PHLDB1: variants seen among roughly 807,000 people sequenced by gnomAD.
The protein encoded by PHLDB1 is pleckstrin homology-like domain family B member 1.
Under a neutral mutation model 139.3 loss-of-function variants are expected in PHLDB1, and 65 were observed. The observed-to-expected ratio is 0.47, with a 90% CI of 0.38 to 0.57. The LOEUF is 0.57. Ranked by LOEUF, PHLDB1 falls within the 20% of genes least tolerant of loss-of-function variation. The pLI, the probability that PHLDB1 is intolerant of heterozygous loss-of-function variation, is 0.00. For missense variants in PHLDB1, 1,624 were observed against 1,839.7 expected (o/e 0.88, Z 2.14); for synonymous variants, 679 against 734.5 (o/e 0.92, Z 1.22).
intron 18 of PHLDB1, 148 bp from the exon 19 acceptor site, chr11:118,649,929 C>G: frequency 1.5e-6 from 1 of 681,658 alleles, no homozygotes; most frequent in Non-Finnish European, 2.7e-6. Flanking sequence ...CCACTTTTGC[C>G]ATAAGCCCTG....
In PHLDB1 at chr11:118,611,627, G is replaced by A. The variant is rs1555083947; in HGVS notation, c.-21-2189G>A. ...TCCCAGCACTTCGGGAGGTCGAGGC[G>A]GGCGGATCACCTGAGGTCGGGAGTT... On this transcript the variant is annotated intron_variant, in intron 1 of 22. Coordinates refer to ENST00000600882, the MANE Select transcript of PHLDB1 (RefSeq NM_001144758.3). The surrounding 1 kb of genome is among the most constrained non-coding windows in gnomAD (Gnocchi z 4.7). Among the ~76,000 whole-genome samples, 2 of 151,990 alleles carry A rather than the reference G, an allele frequency of 1.3e-5. No individual in the cohort carries two copies. Among genetic ancestry groups the A allele is most frequent in the East Asian group, 1.9e-4 (1 of 5,188 alleles).
In PHLDB1 at chr11:118,613,488, C is replaced by T. The variant is rs868954986; in HGVS notation, c.-21-328C>T. 9 of 1,030,014 alleles carry T rather than the reference C, an allele frequency of 8.7e-6. No homozygotes were observed. In the South Asian group the frequency reaches 2.8e-4, roughly 32 times the overall value. The allele number at this position is 1,030,014 out of a possible 1,614,324, so 63.8% of individuals were successfully genotyped here. ...CACCCTGCTTAAGGCTCCACAGGGCCAAGGGTCTTCAGCTGTCAAAACCCG... is the reference window on the plus strand; with the variant it reads ...CACCCTGCTTAAGGCTCCACAGGGCTAAGGGTCTTCAGCTGTCAAAACCCG... On this transcript the variant is annotated intron_variant, in intron 1 of 22. Transcript: ENST00000600882.
intron 1 of PHLDB1, among the ~76,000 whole-genome samples, chr11:118,612,481 G>A (rs1940652904): frequency 6.6e-6 from 1 of 152,212 alleles, no homozygotes; most frequent in African/African-American, 2.4e-5. Context: ...TCCATGGCCA[G>A]GAATTCTGGG....
chr11:118,652,348 G>C (rs1430703779), intron 20 of PHLDB1: 1 of 152,198 alleles, frequency 6.6e-6, no homozygotes, highest in South Asian at 2.1e-4. Flanking sequence ...ACATGCCTGG[G>C]GAAAGGAGTT....
Position 118,656,365 on chromosome 11 carries a change from T to C in PHLDB1, c.3994-318T>C, listed in dbSNP as rs371009422. 6.6e-5 allele frequency among the ~76,000 whole-genome samples: 10 copies of C among 152,324 alleles called. No homozygotes were observed. The East Asian group carries it at 1.5e-3, about 24-fold the overall frequency. On this transcript the variant is annotated intron_variant, in intron 22 of 22. Transcript: ENST00000600882. ...GCTGAGAGGAAACTCTGGTCCTCAC[T>C]GGAAAAGCCTTTGTGTTTGATCCTC... is the stretch of plus-strand genomic sequence containing the variant.
chr11:118,631,873 G>A (rs1555110934), intron 7 of PHLDB1, 40 bp from the exon 8 acceptor site: 1 of 1,573,118 alleles, frequency 6.4e-7, no homozygotes, highest in Admixed American at 1.9e-5. Context: ...ATTCCAAAAG[G>A]CTCTAGGCTT....
chr11:118,620,179 C>G lies in PHLDB1; in HGVS notation c.355+3968C>G, dbSNP rs1054708486. ...GAACAAGAGGAACTCTCTGGGGGAC[C>G]TGGCTGGATGGTAGGTATTAATACC... is the stretch of plus-strand genomic sequence containing the variant. On this transcript the variant is annotated intron_variant, in intron 4 of 22. Coordinates refer to ENST00000600882, the MANE Select transcript of PHLDB1 (RefSeq NM_001144758.3). This position sits in a 1 kb window ranked among gnomAD's most constrained non-coding sequence, Gnocchi z 4.1. 9.2e-5 allele frequency among the ~76,000 whole-genome samples: 14 copies of G among 152,222 alleles called. No individual in the cohort carries two copies. The highest frequency in any genetic ancestry group is 3.4e-4 in the African/African-American group (14 of 41,454).
At chr11:118,644,769 G>C (rs989081502) in intron 15 of PHLDB1, 2 of 944,366 alleles carry the variant, frequency 2.1e-6, no homozygotes, top group Admixed American at 2.6e-5. Flanking sequence ...GTCCTGCCCA[G>C]GTCCCCACTG....
chr11:118,647,729 GT>G (rs1257122435), intron 17 of PHLDB1, 200 bp from the exon 18 acceptor site: 3 of 541,214 alleles, frequency 5.5e-6, no homozygotes, highest in Non-Finnish European at 9.7e-6. Context: ...CGGGGCCAGG[GT>G]TTGAAGTCAG....
In PHLDB1 at chr11:118,656,005, A is replaced by G. The variant is rs112746840; in HGVS notation, c.3993+113A>G. The G allele has an allele frequency of 3.9e-3, 3,071 of 795,582 alleles. 49 individuals are homozygous for G. Among genetic ancestry groups the G allele is most frequent in the East Asian group, 0.036 (1,456 of 40,478 alleles). The allele number at this position is 795,582 out of a possible 1,614,324, so 49.3% of individuals were successfully genotyped here. On this transcript the variant is annotated intron_variant, in intron 22 of 22. Transcript: ENST00000600882. ...TCCCTTCCCCCAGGCCCAAGGGAGG[A>G]GCAGAAAGCAGGTTGCAAAGAGCAA...
intron 9 of PHLDB1, 96 bp from the exon 10 acceptor site, chr11:118,635,297 C>G (rs1945461460): frequency 2.2e-6 from 3 of 1,390,274 alleles, no homozygotes; most frequent in Non-Finnish European, 2.9e-6. Flanking sequence ...TTCCCCGGGT[C>G]CAGCCCCATA....
In PHLDB1 at chr11:118,616,135, C is replaced by A. The variant is rs1555089193; in HGVS notation, c.279C>A (p.Thr93=). The change falls in exon 4 of 23, where the codon ACC becomes ACA. Residue 93 remains threonine (T), a synonymous_variant. Coordinates refer to ENST00000600882, the MANE Select transcript of PHLDB1 (RefSeq NM_001144758.3). ...GCTACATCGAGAACCTGCGGGGCAC[C>A]CTCACCCTCTACCCCTGTGGCAATG... ...EHCYIENLRG[T]LTLYPCGNAC... The A allele has an allele frequency of 1.2e-6, 2 of 1,613,964 alleles. No individual in the cohort carries two copies. The highest frequency in any genetic ancestry group is 1.7e-6 in the Non-Finnish European group (2 of 1,179,946).
rs1555080048 is a variant in PHLDB1 at position 118,607,681 on chromosome 11, G to GCA, written c.-39_-38insAC. The GCA allele has an allele frequency of 7.3e-6, 1 of 136,824 alleles. No homozygotes were observed. The highest frequency in any genetic ancestry group is 1.5e-5 in the Non-Finnish European group (1 of 64,742). 8.5% of individuals were successfully genotyped at this position (136,824 alleles called of 1,614,324 possible). ...CAGGCTAAGGGACCAGTGTCTCCCT[G>GCA]CCCCCCCCCCACCTCTAGGTAAGAG... is the stretch of plus-strand genomic sequence containing the variant. On this transcript the variant is annotated 5_prime_UTR_variant, in exon 1 of 23. Transcript: ENST00000600882.
chr11:118,635,335 C>A, intron 9 of PHLDB1, 58 bp from the exon 10 acceptor site: 2 of 1,514,460 alleles, frequency 1.3e-6, no homozygotes, highest in Non-Finnish European at 1.8e-6. Context: ...GCCTGGTCTT[C>A]CAGGCCCAGA....
At chr11:118,621,092 C>T (rs1942674717) in intron 4 of PHLDB1, among the ~76,000 whole-genome samples, 1 of 151,898 alleles carries the variant, frequency 6.6e-6, no homozygotes, top group Non-Finnish European at 1.5e-5. Context: ...TGAGACCTGT[C>T]CTTTGCTTGG....
Position 118,608,260 on chromosome 11 carries a change from G to C in PHLDB1, c.-22+561G>C, listed in dbSNP as rs1026575580. 2.6e-5 allele frequency among the ~76,000 whole-genome samples: 4 copies of C among 152,100 alleles called. No individual in the cohort carries two copies. The highest frequency in any genetic ancestry group is 2.0e-4 in the Admixed American group (3 of 15,288). ...GCTGCCTGGGGGTGTCCAGGAGATG[G>C]GAAGCCCGCCTGGGGCCTCCCAGGC... On this transcript the variant is annotated intron_variant, in intron 1 of 22. Coordinates refer to ENST00000600882, the MANE Select transcript of PHLDB1 (RefSeq NM_001144758.3). This position sits in a 1 kb window ranked among gnomAD's most constrained non-coding sequence, Gnocchi z 6.7.
chr11:118,632,205 G>GGGA lies in PHLDB1; in HGVS notation c.2290_2291insAGG (p.Arg763_Ala764insGlu). 1 of 1,614,126 alleles carries GGGA rather than the reference G, an allele frequency of 6.2e-7. No individual in the cohort carries two copies. On this transcript the variant is annotated inframe_insertion, in exon 9 of 23. Coordinates refer to ENST00000600882, the MANE Select transcript of PHLDB1 (RefSeq NM_001144758.3). The surrounding 1 kb of genome is among the most constrained non-coding windows in gnomAD (Gnocchi z 5.9). ...CTGCAGGGAGAGAGGGAGGCAGAGC[G>GGGA]GGCACTGCTGCAGAAGGAGCAGAAG... is the stretch of plus-strand genomic sequence containing the variant.
chr11:118,609,573 C>G (rs1298044164), intron 1 of PHLDB1, among the ~76,000 whole-genome samples: 1 of 152,222 alleles, frequency 6.6e-6, no homozygotes, highest in Non-Finnish European at 1.5e-5. Context: ...AGCCCCAGCT[C>G]ACACACGCGG....
intron 12 of PHLDB1, chr11:118,641,742 G>A (rs1555120868): frequency 7.8e-7 from 1 of 1,289,878 alleles, no homozygotes; most frequent in Non-Finnish European, 1.0e-6. Context: ...TTCCTCCCAT[G>A]CTGCCCTCCT....
Sources: gnomAD v4.1 joint callset for allele counts (sites outside exome capture counted in the v4.1 genomes callset) on GRCh38, gnomAD v4.1.1 for gene constraint, Gnocchi (gnomAD v3.1) non-coding constraint, MANE v1.5 for transcripts, NCBI Gene and HGNC (gene_info 2026-07-23, HGNC 2026-07-21) for gene names.